ABCC4: variants seen among roughly 807,000 people sequenced by gnomAD.
ABCC4 encodes ATP binding cassette subfamily C member 4 (PEL blood group).
A neutral mutation model predicts 168.5 loss-of-function variants in ABCC4; 102 were observed. The ratio of observed to expected loss-of-function variants is 0.61; its 90% CI spans 0.52 to 0.71. The LOEUF is 0.71. Among genes scored for constraint, ABCC4 ranks in the 30% least tolerant of loss-of-function variants. The probability of loss-of-function intolerance (pLI) is 0.00; values close to 1 mark genes in which losing one functional copy is unlikely to be tolerated. For synonymous variants in ABCC4, 617 were observed against 590.7 expected, an observed-to-expected ratio of 1.04 and a Z score of -0.65; for missense variants, 1,402 against 1,605.8, an observed-to-expected ratio of 0.87 and a Z score of 2.17.
intron 1 of ABCC4, among the ~76,000 whole-genome samples, chr13:95,298,968 A>C (rs1400515353): frequency 6.6e-6 from 1 of 152,126 alleles, no homozygotes. Context: ...CAGGGGGAGA[A>C]AAATATAAGG....
chr13:95,136,288 G>A (rs929059000), intron 19 of ABCC4, among the ~76,000 whole-genome samples: 16 of 152,102 alleles, frequency 1.1e-4, no homozygotes, highest in Admixed American at 2.6e-4. Flanking sequence ...CCAAGTAGCT[G>A]GGACTACAGG....
rs550277011 is a variant in ABCC4, at chr13:95,077,150, A to T, written c.2687-1599T>A. Among the ~76,000 whole-genome samples, 8 of 152,294 alleles carry T rather than the reference A, an allele frequency of 5.3e-5. No homozygotes were observed. In the South Asian group the frequency reaches 8.3e-4, roughly 16 times the overall value. ...CTGAGAGTTTCAATTGTCTACCATG[A>T]ATGAGGCCATACTGGGGCAGGTGCA... On this transcript the variant is annotated intron_variant, in intron 21 of 30. Coordinates refer to ENST00000645237, the MANE Select transcript of ABCC4 (RefSeq NM_005845.5).
At position 95,179,520 on chromosome 13, in the gene ABCC4, T is replaced by C. The variant is rs553134710; in HGVS notation, c.1546-1429A>G. Among the ~76,000 whole-genome samples the C allele has an allele frequency of 3.9e-5, 6 of 152,320 alleles. No homozygotes were observed. The South Asian group carries it at 1.2e-3, about 32-fold the overall frequency. Reference sequence around the variant, plus strand: ...TAAGAAATAAGTTGACAAAGCATAATACTTTTTTTAAAAAACATGACAAGA... The same window carrying C: ...TAAGAAATAAGTTGACAAAGCATAACACTTTTTTTAAAAAACATGACAAGA... On this transcript the variant is annotated intron_variant, in intron 11 of 30. Coordinates refer to ENST00000645237, the MANE Select transcript of ABCC4 (RefSeq NM_005845.5).
chr13:95,091,406 G>A (rs1391889406), intron 20 of ABCC4, among the ~76,000 whole-genome samples: 1 of 152,184 alleles, frequency 6.6e-6, no homozygotes, highest in Non-Finnish European at 1.5e-5. Flanking sequence ...GAAGCACCAG[G>A]TAACCTATAA....
intron 1 of ABCC4, among the ~76,000 whole-genome samples, chr13:95,282,260 G>A (rs1456735976): frequency 6.6e-6 from 1 of 152,138 alleles, no homozygotes; most frequent in Non-Finnish European, 1.5e-5. Flanking sequence ...TGATAAAGGA[G>A]CAGGTCCAGA....
intron 19 of ABCC4, among the ~76,000 whole-genome samples, chr13:95,119,121 T>C (rs2035476459): frequency 6.6e-6 from 1 of 152,118 alleles, no homozygotes; most frequent in African/African-American, 2.4e-5. Flanking sequence ...TCAGGATATA[T>C]CCCATGACTA....
intron 1 of ABCC4, chr13:95,269,309 C>T (rs1194505590): frequency 2.2e-6 from 1 of 455,698 alleles, no homozygotes; most frequent in African/African-American, 2.0e-5. Flanking sequence ...AAGCAGCTCA[C>T]CTGCTAGTCT....
At chr13:95,134,346 C>T (rs191508359) in intron 19 of ABCC4, among the ~76,000 whole-genome samples, 49 of 152,162 alleles carry the variant, frequency 3.2e-4, no homozygotes, top group Non-Finnish European at 6.0e-4. Flanking sequence ...AAATACATAA[C>T]GGGATCAAGG....
intron 30 of ABCC4, among the ~76,000 whole-genome samples, chr13:95,029,225 G>T (rs1249790114): frequency 2.1e-3 from 59 of 27,896 alleles, no homozygotes; most frequent in African/African-American, 7.3e-3. Context: ...GAGAGAGAGA[G>T]AGAGAGAGAG....
At position 95,075,629 on chromosome 13, in the gene ABCC4, C is replaced by T. The variant is rs12869353; in HGVS notation, c.2687-78G>A. 1,386 of 1,587,722 alleles carry T rather than the reference C, an allele frequency of 8.7e-4. 10 individuals are homozygous for T. In the African/African-American group the frequency reaches 0.016, roughly 19 times the overall value. Reference sequence around the variant, plus strand: ...TGCGGCCTCCCAAGCTCCATGGTCACGTATCCACCAAACAGCACACGCAGG... The same window carrying T: ...TGCGGCCTCCCAAGCTCCATGGTCATGTATCCACCAAACAGCACACGCAGG... On this transcript the variant is annotated intron_variant, in intron 21 of 30. Transcript: ENST00000645237.
At chr13:95,151,513 A>AAAGAAGG (rs1194969610) in intron 19 of ABCC4, among the ~76,000 whole-genome samples, 2 of 149,500 alleles carry the variant, frequency 1.3e-5, no homozygotes, top group Non-Finnish European at 3.0e-5. Flanking sequence ...AACAAAGAGG[A>AAAGAAGG]AAGAAGGAAG....
chr13:95,107,982 C>G (rs1331759586), intron 20 of ABCC4, among the ~76,000 whole-genome samples: 1 of 152,092 alleles, frequency 6.6e-6, no homozygotes, highest in East Asian at 1.9e-4. Flanking sequence ...TCCTCTCTCT[C>G]CTGAGCTTCC....
At chr13:95,281,867 G>C (rs894350242) in intron 1 of ABCC4, among the ~76,000 whole-genome samples, 1 of 152,160 alleles carries the variant, frequency 6.6e-6, no homozygotes, top group Non-Finnish European at 1.5e-5. Context: ...AGCACTTTGG[G>C]AGGCCAAGGA....
chr13:95,040,655 G>A lies in ABCC4; in HGVS notation c.3735+3027C>T, dbSNP rs147760936. Among the ~76,000 whole-genome samples, 60 of 152,298 alleles carry A rather than the reference G, an allele frequency of 3.9e-4. No individual in the cohort carries two copies. In the East Asian group the frequency reaches 0.01, roughly 27 times the overall value. On this transcript the variant is annotated intron_variant, in intron 29 of 30. Transcript: ENST00000645237. Reference sequence around the variant, plus strand: ...CTTCTGAAATGTTCTAATTGTGGCCGTTGTCGGTTTCTTAAAGAGAAGTTC... The same window carrying A: ...CTTCTGAAATGTTCTAATTGTGGCCATTGTCGGTTTCTTAAAGAGAAGTTC...
intron 4 of ABCC4, among the ~76,000 whole-genome samples, chr13:95,218,927 G>A (rs1327416862): frequency 9.4e-5 from 4 of 42,444 alleles, no homozygotes; most frequent in Admixed American, 4.6e-4. Flanking sequence ...GAGAAAGAAA[G>A]AGAAAGAAAG....
At chr13:95,102,498 G>T (rs1480287541) in intron 20 of ABCC4, among the ~76,000 whole-genome samples, 4 of 152,068 alleles carry the variant, frequency 2.6e-5, no homozygotes, top group Non-Finnish European at 4.4e-5. Flanking sequence ...CGCCCAGGCT[G>T]GTTTTGAACT....
At chr13:95,139,692 C>T (rs559158585) in intron 19 of ABCC4, among the ~76,000 whole-genome samples, 1 of 152,300 alleles carries the variant, frequency 6.6e-6, no homozygotes, top group South Asian at 2.1e-4. Context: ...GTTCTATGTT[C>T]CTTCTTTGCA....
At chr13:95,030,305 A>C (rs1331010986) in intron 30 of ABCC4, among the ~76,000 whole-genome samples, 1 of 152,042 alleles carries the variant, frequency 6.6e-6, no homozygotes, top group Non-Finnish European at 1.5e-5. Flanking sequence ...ACAGGTGTGA[A>C]CCACCACACC....
At chr13:95,133,108 C>CTTT (rs761691210) in intron 19 of ABCC4, among the ~76,000 whole-genome samples, 16,611 of 110,290 alleles carry the variant, frequency 0.15, 1,018 homozygotes, top group African/African-American at 0.22. Context: ...GATTTTAAAA[C>CTTT]TTTTTTTTTT....
Sources: allele counts gnomAD v4.1 joint callset (sites outside exome capture counted in the v4.1 genomes callset), GRCh38; gene constraint gnomAD v4.1.1; transcripts MANE v1.5; gene names NCBI Gene and HGNC (gene_info 2026-07-23, HGNC 2026-07-21).